The following AFAP1 variants were observed in gnomAD, a reference collection of about 807,000 sequenced individuals.
The protein encoded by AFAP1 is actin filament associated protein 1, also known as actin filament-associated protein 1.
In AFAP1, 75 loss-of-function variants were observed where a neutral mutation model predicts 93.9. The observed-to-expected ratio is 0.80, with a 90% CI of 0.66 to 0.97. The LOEUF (loss-of-function observed/expected upper bound fraction) is 0.97. Among genes scored for constraint, AFAP1 ranks in the 50% least tolerant of loss-of-function variants. The pLI, the probability that AFAP1 is intolerant of heterozygous loss-of-function variation, is 0.00. For synonymous variants in AFAP1, 517 were observed against 430.7 expected (o/e 1.20, Z -2.48); for missense variants, 1,201 against 1,050.8 (o/e 1.14, Z -1.98).
At position 7,773,030 on chromosome 4, in the gene AFAP1, C is replaced by A. The variant is rs762978951; in HGVS notation, c.2063-20G>T. ...TCCTGCCTGGAATTCCCAGAAACGC[C>A]GTTACTCCCGCGGCAGGCACAGGTT... On this transcript the variant is annotated intron_variant, in intron 15 of 17. Transcript: ENST00000420658. 17 of 1,601,342 alleles carry A rather than the reference C, an allele frequency of 1.1e-5. No homozygotes were observed. The highest frequency in any genetic ancestry group is 6.7e-5 in the Admixed American group (4 of 59,598).
chr4:7,898,657 G>GA (rs66560687), intron 1 of AFAP1, among the ~76,000 whole-genome samples: 16,527 of 135,454 alleles, frequency 0.12, 1,200 homozygotes, highest in Non-Finnish European at 0.17. Flanking sequence ...AGAAAAAGAA[G>GA]AAAAAAAAAA....
intron 1 of AFAP1, among the ~76,000 whole-genome samples, chr4:7,895,907 G>A (rs1359399343): frequency 2.1e-5 from 3 of 142,220 alleles, no homozygotes; most frequent in African/African-American, 7.9e-5. Context: ...TGCCCAGGCT[G>A]GAGTGCAGTG....
intron 1 of AFAP1, among the ~76,000 whole-genome samples, chr4:7,875,256 G>A (rs746655371): frequency 1.7e-4 from 26 of 152,238 alleles, no homozygotes; most frequent in African/African-American, 3.6e-4. Flanking sequence ...TGAGGCTGCC[G>A]TGCACCATCA....
chr4:7,775,339 A>G (rs1246559746), intron 14 of AFAP1: 1 of 154,232 alleles, frequency 6.5e-6, no homozygotes, highest in African/African-American at 2.4e-5. Flanking sequence ...CGAAAACAGA[A>G]TATTAGGAAA....
intron 10 of AFAP1, among the ~76,000 whole-genome samples, chr4:7,796,007 G>T (rs190837524): frequency 6.6e-6 from 1 of 152,070 alleles, no homozygotes; most frequent in African/African-American, 2.4e-5. Flanking sequence ...ATGCATGTAC[G>T]TGTATATATA....
Position 7,855,655 on chromosome 4 carries a change from C to T in AFAP1, c.226-81G>A, listed in dbSNP as rs1714967071. 4.6e-6 allele frequency: 5 copies of T among 1,096,776 alleles called. No homozygotes were observed. In the African/African-American group the frequency reaches 7.7e-5, roughly 17 times the overall value. 67.9% of individuals were successfully genotyped at this position (1,096,776 alleles called of 1,614,324 possible). A position where few individuals can be genotyped will look rare whatever the true frequency, so the allele number is the denominator to read the frequency against. ...CTGGATTTCCAATTAACAGGTGTGG[C>T]CAGTCTTTTCCTCTTTCCTTTGTAA... On this transcript the variant is annotated intron_variant, in intron 3 of 17. Transcript: ENST00000420658.
rs181898521 is a variant in AFAP1, at chr4:7,814,521, A to G, written c.904+1497T>C. 1.3e-3 allele frequency among the ~76,000 whole-genome samples: 198 copies of G among 152,330 alleles called. 1 individual carries two copies. The highest frequency in any genetic ancestry group is 0.012 in the Admixed American group (188 of 15,306). The stretch of plus-strand genomic sequence containing the variant: ...TCGCTCCAAAGTGGAAACAGCTCAA[A>G]TGTTCTTCAAGAGGTGAATGGGCTG... On this transcript the variant is annotated intron_variant, in intron 8 of 17. Coordinates refer to ENST00000420658, the MANE Select transcript of AFAP1 (RefSeq NM_001134647.2).
intron 5 of AFAP1, among the ~76,000 whole-genome samples, chr4:7,838,997 T>C (rs1428471863): frequency 3.3e-5 from 5 of 152,192 alleles, no homozygotes; most frequent in Admixed American, 1.3e-4. Flanking sequence ...CAGTTTATGA[T>C]CCGGTGGGGC....
chr4:7,792,667 C>T (rs1158050707), intron 11 of AFAP1, among the ~76,000 whole-genome samples: 1 of 152,130 alleles, frequency 6.6e-6, no homozygotes, highest in Admixed American at 6.5e-5. Context: ...CTCAACAGGA[C>T]CACTGTCATT....
intron 1 of AFAP1, among the ~76,000 whole-genome samples, chr4:7,887,506 G>A (rs1400747057): frequency 6.6e-6 from 1 of 152,058 alleles, no homozygotes; most frequent in Non-Finnish European, 1.5e-5. Context: ...AATCAAAGTT[G>A]GAACAAAGCC....
rs536671324 is a variant in AFAP1 at position 7,873,051 on chromosome 4, A to G, written c.-2-971T>C. Among the ~76,000 whole-genome samples, 126 of 150,428 alleles carry G rather than the reference A, an allele frequency of 8.4e-4. 1 individual carries two copies. The highest frequency in any genetic ancestry group is 2.9e-3 in the African/African-American group (119 of 41,118). On this transcript the variant is annotated intron_variant, in intron 1 of 17. Transcript: ENST00000420658. The stretch of plus-strand genomic sequence containing the variant: ...GATCACCTAAGGTCAGAAGTTCGAG[A>G]CCAGCCTGGCCAACATGGCCATCTC...
At chr4:7,822,949 T>G (rs983032227) in intron 6 of AFAP1, among the ~76,000 whole-genome samples, 1 of 152,028 alleles carries the variant, frequency 6.6e-6, no homozygotes, top group Non-Finnish European at 1.5e-5. Context: ...ACTCCAATTA[T>G]TCCCAGCAGC....
intron 1 of AFAP1, among the ~76,000 whole-genome samples, chr4:7,899,556 A>G (rs1718996464): frequency 1.3e-5 from 2 of 152,250 alleles, no homozygotes; most frequent in African/African-American, 4.8e-5. Context: ...CGCTTATATA[A>G]AAGAAAACCT....
intron 6 of AFAP1, among the ~76,000 whole-genome samples, chr4:7,833,979 T>TA (rs940856159): frequency 6.7e-4 from 102 of 151,652 alleles, no homozygotes; most frequent in Non-Finnish European, 1.2e-3. Flanking sequence ...GAAGGCATTA[T>TA]AAAAAAAATA....
chr4:7,877,872 A>G (rs570336331), intron 1 of AFAP1, among the ~76,000 whole-genome samples: 1 of 152,320 alleles, frequency 6.6e-6, no homozygotes, highest in Non-Finnish European at 1.5e-5. Context: ...AGGTAGCACA[A>G]TTCTTCGTTG....
chr4:7,819,061 G>T lies in AFAP1; in HGVS notation c.822+15C>A. The T allele has an allele frequency of 6.3e-7, 1 of 1,591,256 alleles. No homozygotes were observed. Among genetic ancestry groups the T allele is most frequent in the Non-Finnish European group, 8.5e-7 (1 of 1,170,028 alleles). On this transcript the variant is annotated intron_variant, in intron 7 of 17. Coordinates refer to ENST00000420658, the MANE Select transcript of AFAP1 (RefSeq NM_001134647.2). ...CAAGGTCACCGTCCCCACCCAGCAA[G>T]AGCAGCGCCCTTACCTTCTCCAGTT...
intron 8 of AFAP1, among the ~76,000 whole-genome samples, chr4:7,810,339 G>A (rs779871793): frequency 1.3e-5 from 2 of 152,230 alleles, no homozygotes; most frequent in Non-Finnish European, 2.9e-5. Context: ...CTGTCCAGGA[G>A]TTGACTTAAG....
chr4:7,829,646 C>A (rs1721719669), intron 6 of AFAP1, among the ~76,000 whole-genome samples: 1 of 152,198 alleles, frequency 6.6e-6, no homozygotes, highest in Admixed American at 6.5e-5. Context: ...AAGAGGAGTG[C>A]AGATTACAAC....
chr4:7,798,765 A>T, intron 10 of AFAP1: 2 of 418,512 alleles, frequency 4.8e-6, no homozygotes, highest in Non-Finnish European at 6.5e-6. Context: ...GCACACAGCT[A>T]CTGTGCCCCC....
Sources: allele counts gnomAD v4.1 joint callset (sites outside exome capture counted in the v4.1 genomes callset), GRCh38; gene constraint gnomAD v4.1.1; transcripts MANE v1.5; gene names NCBI Gene and HGNC (gene_info 2026-07-23, HGNC 2026-07-21).